PTTG1IP2: variants seen among roughly 807,000 people sequenced by gnomAD.
PTTG1IP2 encodes PTTG1IP family member 2.
intron 4 of PTTG1IP2, among the ~76,000 whole-genome samples, chr7:90,489,776 C>A (rs1797918304): frequency 6.6e-6 from 1 of 151,782 alleles, no homozygotes; most frequent in African/African-American, 2.4e-5. Context: ...ATGCCACTAA[C>A]CTATATTGCT....
intron 4 of PTTG1IP2, among the ~76,000 whole-genome samples, chr7:90,489,261 GT>G (rs2116080200): frequency 6.6e-6 from 1 of 151,568 alleles, no homozygotes; most frequent in East Asian, 1.9e-4. Flanking sequence ...TGATGGTTAT[GT>G]TTTCTTTTCA....
chr7:90,486,413 C>T (rs1797875319), intron 2 of PTTG1IP2, among the ~76,000 whole-genome samples: 1 of 150,868 alleles, frequency 6.6e-6, no homozygotes. Context: ...AATATAGTAC[C>T]TGTCACATGG....
At chr7:90,489,908 T>C (rs1311576377) in intron 4 of PTTG1IP2, among the ~76,000 whole-genome samples, 1 of 152,006 alleles carries the variant, frequency 6.6e-6, no homozygotes, top group Non-Finnish European at 1.5e-5. Flanking sequence ...CTATACAGCT[T>C]TTGCACTTTC....
At chr7:90,498,674 C>T (rs942486842) in intron 6 of PTTG1IP2, among the ~76,000 whole-genome samples, 1 of 152,128 alleles carries the variant, frequency 6.6e-6, no homozygotes, top group African/African-American at 2.4e-5. Context: ...AATTTCCATT[C>T]ACATTTGAGT....
chr7:90,471,501 A>T (rs1475058254), intron 1 of PTTG1IP2, among the ~76,000 whole-genome samples: 1 of 152,232 alleles, frequency 6.6e-6, no homozygotes, highest in Admixed American at 6.5e-5. Flanking sequence ...TAATGACTGG[A>T]TTAAAAAATA....
intron 6 of PTTG1IP2, among the ~76,000 whole-genome samples, chr7:90,509,439 G>A (rs1178266838): frequency 6.6e-6 from 1 of 152,150 alleles, no homozygotes; most frequent in Non-Finnish European, 1.5e-5. Context: ...TCTCCACTGT[G>A]GGTGGCTGGA....
chr7:90,500,040 C>A (rs1445546688), intron 6 of PTTG1IP2, among the ~76,000 whole-genome samples: 3 of 152,012 alleles, frequency 2.0e-5, no homozygotes, highest in Non-Finnish European at 4.4e-5. Context: ...ATGGTGAAAC[C>A]CCATCTCTAT....
intron 1 of PTTG1IP2, among the ~76,000 whole-genome samples, chr7:90,475,947 A>G (rs947230347): frequency 6.6e-6 from 1 of 152,032 alleles, no homozygotes; most frequent in Non-Finnish European, 1.5e-5. Context: ...CTCAAAAAAA[A>G]AAAAAAGAAA....
intron 5 of PTTG1IP2, among the ~76,000 whole-genome samples, chr7:90,493,700 TG>T (rs1797963644): frequency 6.6e-6 from 1 of 152,138 alleles, no homozygotes; most frequent in South Asian, 2.1e-4. Context: ...ATTAAAGGCT[TG>T]AGTAAGTGAA....
Position 90,508,105 on chromosome 7 carries a change from CA to C in PTTG1IP2, c.*51-5165del, listed in dbSNP as rs56263358. On this transcript the variant is annotated intron_variant, in intron 6 of 6. Transcript: ENST00000509356. ...AAACCCTGTCTCTACCAAAAAAATA[CA>C]AAAAAAATTTAGCCAGGCATGGTGG... 5.3e-5 allele frequency among the ~76,000 whole-genome samples: 8 copies of C among 151,012 alleles called. No homozygotes were observed. The South Asian group carries it at 1.7e-3, about 32-fold the overall frequency.
At chr7:90,486,179 G>C (rs12666228) in intron 2 of PTTG1IP2, among the ~76,000 whole-genome samples, 59,894 of 151,622 alleles carry the variant, frequency 0.4, 12,786 homozygotes, top group Non-Finnish European at 0.5. Flanking sequence ...AGAAGTGATT[G>C]GGTGGGGTCT....
intron 4 of PTTG1IP2, among the ~76,000 whole-genome samples, chr7:90,489,306 A>G (rs1472155649): frequency 6.6e-6 from 1 of 151,696 alleles, no homozygotes; most frequent in African/African-American, 2.4e-5. Flanking sequence ...TTGACCCCCA[A>G]TCATTAAAGC....
intron 6 of PTTG1IP2, among the ~76,000 whole-genome samples, chr7:90,495,960 T>G (rs576172253): frequency 2.6e-5 from 4 of 152,280 alleles, no homozygotes; most frequent in African/African-American, 9.6e-5. Flanking sequence ...AAATTTGGGG[T>G]TGGGGGGGAG....
chr7:90,472,520 C>T (rs1041591454), intron 1 of PTTG1IP2, among the ~76,000 whole-genome samples: 1 of 152,186 alleles, frequency 6.6e-6, no homozygotes, highest in African/African-American at 2.4e-5. Flanking sequence ...GAATATAAGG[C>T]AAGGCTTCCG....
At chr7:90,506,309 A>G (rs1798124701) in intron 6 of PTTG1IP2, among the ~76,000 whole-genome samples, 1 of 152,170 alleles carries the variant, frequency 6.6e-6, no homozygotes, top group African/African-American at 2.4e-5. Flanking sequence ...TTGAATAATG[A>G]CATTCAAGTC....
At chr7:90,504,412 A>C (rs1798101437) in intron 6 of PTTG1IP2, among the ~76,000 whole-genome samples, 1 of 152,176 alleles carries the variant, frequency 6.6e-6, no homozygotes, top group South Asian at 2.1e-4. Flanking sequence ...GTAAGAGATA[A>C]GTTTAAATCA....
chr7:90,470,524 C>T (rs956167555), intron 1 of PTTG1IP2, among the ~76,000 whole-genome samples: 1 of 152,108 alleles, frequency 6.6e-6, no homozygotes, highest in Non-Finnish European at 1.5e-5. Flanking sequence ...CCCTGTAAAG[C>T]CAAGATTGCC....
chr7:90,510,734 T>C (rs929384480), intron 6 of PTTG1IP2, among the ~76,000 whole-genome samples: 4 of 152,214 alleles, frequency 2.6e-5, no homozygotes, highest in Non-Finnish European at 4.4e-5. Flanking sequence ...AAAAAGCAAA[T>C]GCTGTGTGAA....
At chr7:90,498,866 C>A (rs1453199082) in intron 6 of PTTG1IP2, among the ~76,000 whole-genome samples, 1 of 151,928 alleles carries the variant, frequency 6.6e-6, no homozygotes, top group Non-Finnish European at 1.5e-5. Context: ...ATTTTCTTTT[C>A]TTTGAGACAG....
Sources: gnomAD v4.1 joint callset for allele counts (sites outside exome capture counted in the v4.1 genomes callset) on GRCh38, gnomAD v4.1.1 for gene constraint, MANE v1.5 for transcripts, NCBI Gene and HGNC (gene_info 2026-07-23, HGNC 2026-07-21) for gene names.